The following IL1RAPL2 variants were observed in gnomAD, a reference collection of about 807,000 sequenced individuals.
IL1RAPL2 encodes the protein X-linked interleukin-1 receptor accessory protein-like 2.
A neutral mutation model predicts 44.1 loss-of-function variants in IL1RAPL2; 3 were observed. The ratio of observed to expected loss-of-function variants is 0.07; its 90% CI spans 0.03 to 0.18. The LOEUF (loss-of-function observed/expected upper bound fraction) is 0.18. IL1RAPL2 is among the 10% of genes least tolerant of loss of function. The pLI, the probability that IL1RAPL2 is intolerant of heterozygous loss-of-function variation, is 1.00. For synonymous variants in IL1RAPL2, 181 were observed against 178.8 expected (o/e 1.01, Z -0.10); for missense variants, 391 against 496.4 (o/e 0.79, Z 2.02).
intron 5 of IL1RAPL2, among the ~76,000 whole-genome samples, chrX:105,340,358 G>C (rs923338797): frequency 2.7e-5 from 3 of 111,551 alleles, no homozygotes; most frequent in African/African-American, 9.8e-5. Context: ...CACTCTCTCT[G>C]TTATCATCCT....
intron 5 of IL1RAPL2, among the ~76,000 whole-genome samples, chrX:105,436,317 TTGTG>T (rs1464947047): frequency 9.0e-6 from 1 of 110,664 alleles, no homozygotes; most frequent in Non-Finnish European, 1.9e-5. Context: ...TATATCCTGT[TTGTG>T]GTGATCATTG....
intron 2 of IL1RAPL2, among the ~76,000 whole-genome samples, chrX:105,120,103 GCTCT>G (rs1439102267): frequency 1.4e-4 from 15 of 108,925 alleles, no homozygotes; most frequent in African/African-American, 4.7e-4. Flanking sequence ...GAATTTTGAT[GCTCT>G]ACTGATGATT....
At chrX:105,284,164 A>G (rs1334822868) in intron 5 of IL1RAPL2, among the ~76,000 whole-genome samples, 3 of 111,626 alleles carry the variant, frequency 2.7e-5, no homozygotes, top group Non-Finnish European at 5.6e-5. Context: ...ACAGTACTGA[A>G]TAGTACAGGC....
intron 2 of IL1RAPL2, among the ~76,000 whole-genome samples, chrX:104,936,725 C>T (rs1925036925): frequency 9.3e-6 from 1 of 106,983 alleles, no homozygotes; most frequent in South Asian, 4.3e-4. Context: ...CAGGTTCACG[C>T]TATTCTCCTA....
In IL1RAPL2 at chrX:105,003,503, T is replaced by C. The variant is rs778087250; in HGVS notation, c.83-191972T>C. Among the ~76,000 whole-genome samples, 3 of 111,097 alleles carry C rather than the reference T, an allele frequency of 2.7e-5. No individual in the cohort carries two copies. The East Asian group carries it at 8.6e-4, about 32-fold the overall frequency. ...TTATATCCTCTCTCTCACGTGCATG[T>C]GCATGCCTCCCCCTCCCGAAACCGA... On this transcript the variant is annotated intron_variant, in intron 2 of 10. Coordinates refer to ENST00000372582, the MANE Select transcript of IL1RAPL2 (RefSeq NM_017416.2).
chrX:105,440,397 C>T (rs1225044724), intron 5 of IL1RAPL2, among the ~76,000 whole-genome samples: 1 of 111,929 alleles, frequency 8.9e-6, no homozygotes, highest in East Asian at 2.8e-4. Flanking sequence ...ATAGTGAAGT[C>T]ACAATTTATA....
At chrX:104,747,459 C>T (rs764265170) in intron 2 of IL1RAPL2, among the ~76,000 whole-genome samples, 2 of 111,175 alleles carry the variant, frequency 1.8e-5, no homozygotes, top group South Asian at 3.8e-4. Flanking sequence ...CCTACTCTTA[C>T]GGAGGTCACA....
intron 5 of IL1RAPL2, among the ~76,000 whole-genome samples, chrX:105,402,743 G>A (rs899062911): frequency 1.2e-4 from 13 of 111,419 alleles, no homozygotes; most frequent in African/African-American, 3.9e-4. Context: ...GATTACAGTA[G>A]GTAACAGTAT....
intron 2 of IL1RAPL2, among the ~76,000 whole-genome samples, chrX:105,106,392 C>G (rs183015949): frequency 9.0e-6 from 1 of 110,597 alleles, no homozygotes; most frequent in Non-Finnish European, 1.9e-5. Flanking sequence ...GTCATTTTAT[C>G]TTTTTGGACC....
intron 5 of IL1RAPL2, among the ~76,000 whole-genome samples, chrX:105,392,309 T>C (rs1376981720): frequency 2.7e-5 from 3 of 110,749 alleles, no homozygotes; most frequent in African/African-American, 9.9e-5. Context: ...CTGTCTGAAA[T>C]ATTCTTAGGT....
At chrX:104,929,193 A>G (rs1924841622) in intron 2 of IL1RAPL2, among the ~76,000 whole-genome samples, 1 of 111,728 alleles carries the variant, frequency 9.0e-6, no homozygotes, top group Non-Finnish European at 1.9e-5. Context: ...GCACTGACAT[A>G]ATCATGGAAT....
chrX:105,138,469 T>C (rs1181518989), intron 2 of IL1RAPL2, among the ~76,000 whole-genome samples: 2 of 33,813 alleles, frequency 5.9e-5, no homozygotes, highest in Non-Finnish European at 9.7e-5. Flanking sequence ...TGACATATAA[T>C]TACCAAAAAA....
At chrX:105,468,523 G>A (rs768459112) in intron 5 of IL1RAPL2, among the ~76,000 whole-genome samples, 1 of 112,096 alleles carries the variant, frequency 8.9e-6, no homozygotes, top group South Asian at 3.7e-4. Flanking sequence ...TGAATGCCCT[G>A]ATGTTACTCT....
intron 5 of IL1RAPL2, among the ~76,000 whole-genome samples, chrX:105,321,389 C>G (rs1221488806): frequency 1.8e-5 from 2 of 111,835 alleles, no homozygotes; most frequent in African/African-American, 6.5e-5. Context: ...AGTTATGTTT[C>G]CCTTTGTATT....
At chrX:105,474,568 C>A (rs956703375) in intron 5 of IL1RAPL2, among the ~76,000 whole-genome samples, 1 of 110,982 alleles carries the variant, frequency 9.0e-6, no homozygotes, top group African/African-American at 3.3e-5. Context: ...TTTACTGCCC[C>A]CAACGAAGAT....
rs1401723528 is a variant in IL1RAPL2, at chrX:104,925,849, G to T, written c.82+266854G>T. Among the ~76,000 whole-genome samples, 3 of 111,632 alleles carry T rather than the reference G, an allele frequency of 2.7e-5. No homozygotes were observed. The Admixed American group carries it at 2.9e-4, about 11-fold the overall frequency. On this transcript the variant is annotated intron_variant, in intron 2 of 10. Transcript: ENST00000372582. ...CATAATATTGACATTCGTGGCCAGA[G>T]AAATCAGGCAGCAGAAAGAAATAAA...
At chrX:105,096,752 T>C (rs375572033) in intron 2 of IL1RAPL2, among the ~76,000 whole-genome samples, 1 of 111,612 alleles carries the variant, frequency 9.0e-6, no homozygotes, top group African/African-American at 3.3e-5. Context: ...ATGAAAATAT[T>C]CTGGATTTAA....
chrX:105,733,679 G>A (rs2038423693), intron 7 of IL1RAPL2, among the ~76,000 whole-genome samples: 1 of 110,244 alleles, frequency 9.1e-6, no homozygotes, highest in Admixed American at 9.7e-5. Context: ...TTTTCTTAGA[G>A]TTTCCATCTC....
At position 105,767,296 on chromosome X, in the gene IL1RAPL2, C is replaced by T. The variant is rs375104702; in HGVS notation, c.1696C>T (p.Arg566Trp). The change falls in exon 11 of 11, where the codon CGG becomes TGG. Residue 566 changes from arginine to tryptophan, a missense_variant. Transcript: ENST00000372582. The stretch of plus-strand genomic sequence containing the variant: ...CATCAAGAAAAAAGAAATGCTACCT[C>T]GGTGCCATGTTCTGGACTCCGCAGA... The part of the protein sequence containing the change: ...MPIKKKEMLP[R>W]CHVLDSAEQG... The T allele has an allele frequency of 2.3e-5, 28 of 1,210,937 alleles. No homozygotes were observed. Among genetic ancestry groups the T allele is most frequent in the Non-Finnish European group, 3.0e-5 (27 of 894,693 alleles).
Sources: gnomAD v4.1 joint callset for allele counts (sites outside exome capture counted in the v4.1 genomes callset) on GRCh38, gnomAD v4.1.1 for gene constraint, MANE v1.5 for transcripts, NCBI Gene and HGNC (gene_info 2026-07-23, HGNC 2026-07-21) for gene names.